Variants in GRIK2 observed in about 807,000 individuals in gnomAD.
The protein encoded by GRIK2 is glutamate ionotropic receptor kainate type subunit 2, also known as glutamate receptor ionotropic, kainate 2.
In GRIK2, 32 loss-of-function variants were observed where a neutral mutation model predicts 100.3. The observed-to-expected ratio is 0.32, with a 90% CI of 0.24 to 0.43. The LOEUF (loss-of-function observed/expected upper bound fraction) is 0.43, where lower values mean the gene tolerates loss of function less well. Among genes scored for constraint, GRIK2 ranks in the 20% least tolerant of loss-of-function variants. The pLI is 1.00. For missense variants in GRIK2, 843 were observed against 1,114.9 expected (o/e 0.76, Z 3.47); for synonymous variants, 417 against 389.4 (o/e 1.07, Z -0.83).
chr6:102,004,283 G>T (rs1582703703), intron 14 of GRIK2, among the ~76,000 whole-genome samples: 2 of 134,986 alleles, frequency 1.5e-5, no homozygotes. Context: ...TTTCCTGTAA[G>T]TTCATTTTTT....
intron 2 of GRIK2, among the ~76,000 whole-genome samples, chr6:101,455,458 A>G (rs1296406298): frequency 2.6e-5 from 4 of 151,968 alleles, no homozygotes; most frequent in Admixed American, 6.6e-5. Flanking sequence ...AGTTTCCTCA[A>G]TTCTTTGCTG....
intron 14 of GRIK2, among the ~76,000 whole-genome samples, chr6:101,957,313 A>G (rs898737169): frequency 6.6e-6 from 1 of 151,642 alleles, no homozygotes; most frequent in Non-Finnish European, 1.5e-5. Context: ...AATCTCTTCA[A>G]ATCTTTCACC....
At chr6:101,900,621 G>T (rs1034258500) in intron 12 of GRIK2, among the ~76,000 whole-genome samples, 2 of 149,410 alleles carry the variant, frequency 1.3e-5, no homozygotes, top group Non-Finnish European at 3.0e-5. Context: ...ACAATAGAGT[G>T]TCTATTTTCA....
intron 10 of GRIK2, among the ~76,000 whole-genome samples, chr6:101,837,494 T>C (rs1169901468): frequency 1.3e-5 from 2 of 152,182 alleles, no homozygotes; most frequent in Admixed American, 1.3e-4. Context: ...TACCAAACAT[T>C]GTTTCATAAG....
chr6:102,001,003 A>T (rs1196493398), intron 14 of GRIK2, among the ~76,000 whole-genome samples: 2 of 150,978 alleles, frequency 1.3e-5, no homozygotes, highest in African/African-American at 4.9e-5. Context: ...TATTATTTCC[A>T]CTTCCAATAA....
In GRIK2 at chr6:101,849,764, T is replaced by C. The variant is rs140346163; in HGVS notation, c.1318-9523T>C. Among the ~76,000 whole-genome samples, 127 of 151,420 alleles carry C rather than the reference T, an allele frequency of 8.4e-4. 1 individual carries two copies. The highest frequency in any genetic ancestry group is 2.8e-3 in the African/African-American group (116 of 41,338). ...ATCTTAGATTATTTTTTTGTAACCA[T>C]TATGTCTTTTTCATTTGGCCCATAG... On this transcript the variant is annotated intron_variant, in intron 10 of 16. Transcript: ENST00000369134.
At chr6:101,844,990 G>A (rs778430747) in intron 10 of GRIK2, among the ~76,000 whole-genome samples, 34 of 150,356 alleles carry the variant, frequency 2.3e-4, no homozygotes, top group Non-Finnish European at 3.8e-4. Flanking sequence ...TTTATTCTGC[G>A]TTCATTGTTT....
intron 7 of GRIK2, among the ~76,000 whole-genome samples, chr6:101,784,657 C>T (rs966755528): frequency 5.3e-5 from 8 of 152,034 alleles, no homozygotes; most frequent in South Asian, 4.1e-4. Context: ...GATTGGATCA[C>T]GGTGTTCTCA....
At chr6:101,640,429 C>G (rs537727535) in intron 4 of GRIK2, among the ~76,000 whole-genome samples, 27 of 152,292 alleles carry the variant, frequency 1.8e-4, no homozygotes, top group African/African-American at 6.5e-4. Flanking sequence ...CTCTTCCTCT[C>G]CAACTCATTC....
At position 101,675,038 on chromosome 6, in the gene GRIK2, A is replaced by G. The variant is rs763470010; in HGVS notation, c.542-1585A>G. ...TTTATTTGTGATAAGAACAGACAAAATCTTCTAGCTATTTTGAAGTAAATA... is the reference window on the plus strand; with the variant it reads ...TTTATTTGTGATAAGAACAGACAAAGTCTTCTAGCTATTTTGAAGTAAATA... On this transcript the variant is annotated intron_variant, in intron 4 of 16. Coordinates refer to ENST00000369134, the MANE Select transcript of GRIK2 (RefSeq NM_021956.5). Among the ~76,000 whole-genome samples, 65 of 152,120 alleles carry G rather than the reference A, an allele frequency of 4.3e-4. 1 individual carries two copies. The highest frequency in any genetic ancestry group is 1.8e-4 in the Non-Finnish European group (12 of 68,000).
intron 2 of GRIK2, among the ~76,000 whole-genome samples, chr6:101,506,719 T>C (rs531787166): frequency 6.6e-6 from 1 of 152,316 alleles, no homozygotes; most frequent in East Asian, 1.9e-4. Context: ...TTTTAAATAA[T>C]AGTTTTATGT....
chr6:101,503,716 A>T (rs1773884644), intron 2 of GRIK2, among the ~76,000 whole-genome samples: 1 of 152,108 alleles, frequency 6.6e-6, no homozygotes, highest in Non-Finnish European at 1.5e-5. Flanking sequence ...TTCTCTTTCT[A>T]TGGCTTGAAC....
chr6:101,747,334 G>A (rs1776480199), intron 7 of GRIK2, among the ~76,000 whole-genome samples: 1 of 152,158 alleles, frequency 6.6e-6, no homozygotes, highest in Non-Finnish European at 1.5e-5. Flanking sequence ...AGCAGGCATG[G>A]ATAGTTGTCA....
Position 101,456,030 on chromosome 6 carries a change from TG to T in GRIK2, c.115+56640del, listed in dbSNP as rs1342444894. Among the ~76,000 whole-genome samples the T allele has an allele frequency of 5.3e-5, 8 of 151,834 alleles. No individual in the cohort carries two copies. The East Asian group carries it at 1.4e-3, about 26-fold the overall frequency. ...GCATGTTTGATTCATGAACTTGATC[TG>T]GAACACAAAAAGCTTCTAATAATGG... On this transcript the variant is annotated intron_variant, in intron 2 of 16. Transcript: ENST00000369134.
At chr6:101,682,491 G>T in intron 5 of GRIK2, 62 bp from the exon 6 acceptor site, 1 of 770,086 alleles carries the variant, frequency 1.3e-6, no homozygotes, top group South Asian at 1.5e-5. Context: ...GTTCTCACTT[G>T]AATTACTGAC....
chr6:101,731,540 A>G (rs1775270752), intron 7 of GRIK2, among the ~76,000 whole-genome samples: 2 of 152,038 alleles, frequency 1.3e-5, no homozygotes, highest in African/African-American at 4.8e-5. Context: ...CAAATAACCT[A>G]TACCATACCT....
intron 9 of GRIK2, among the ~76,000 whole-genome samples, chr6:101,807,913 G>A (rs1274508308): frequency 6.6e-6 from 1 of 152,008 alleles, no homozygotes; most frequent in African/African-American, 2.4e-5. Context: ...TTTGGAGGGA[G>A]AAGAATAGCA....
chr6:101,545,161 T>C (rs138783758), intron 2 of GRIK2, among the ~76,000 whole-genome samples: 2 of 152,306 alleles, frequency 1.3e-5, no homozygotes, highest in East Asian at 3.9e-4. Context: ...AATTTTACAA[T>C]ATTTTTCTAG....
At chr6:101,569,886 ACTTT>A (rs1185946056) in intron 2 of GRIK2, among the ~76,000 whole-genome samples, 1 of 152,242 alleles carries the variant, frequency 6.6e-6, no homozygotes, top group South Asian at 2.1e-4. Flanking sequence ...TTTTTGAATT[ACTTT>A]CTTTCTTGCC....
Sources: allele counts gnomAD v4.1 joint callset (sites outside exome capture counted in the v4.1 genomes callset), GRCh38; gene constraint gnomAD v4.1.1; transcripts MANE v1.5; gene names NCBI Gene and HGNC (gene_info 2026-07-23, HGNC 2026-07-21).